The following CYYR1 variants were observed in gnomAD, a reference collection of about 807,000 sequenced individuals.
CYYR1 encodes the protein cysteine and tyrosine-rich protein 1.
A neutral mutation model predicts 15.2 loss-of-function variants in CYYR1; 14 were observed. The ratio of observed to expected loss-of-function variants is 0.92; its 90% CI spans 0.61 to 1.44. The LOEUF is 1.44. Ranked by LOEUF, CYYR1 falls within the 40% of genes most tolerant of loss-of-function variation. The pLI is 0.00. For synonymous variants in CYYR1, 80 were observed against 77.4 expected (o/e 1.03, Z -0.18); for missense variants, 228 against 209.5 (o/e 1.09, Z -0.54).
intron 2 of CYYR1, chr21:26,506,533 C>T (rs2065567011): frequency 2.0e-5 from 3 of 152,330 alleles, no homozygotes; most frequent in Non-Finnish European, 4.4e-5. Flanking sequence ...CACTCTCAAA[C>T]TCAACTTTCC....
intron 2 of CYYR1, among the ~76,000 whole-genome samples, chr21:26,482,084 T>G (rs937156704): frequency 6.6e-6 from 1 of 152,100 alleles, no homozygotes; most frequent in East Asian, 1.9e-4. Context: ...TTATATTTTT[T>G]GTTTTTACAC....
intron 2 of CYYR1, among the ~76,000 whole-genome samples, chr21:26,555,420 C>A (rs192089180): frequency 5.3e-5 from 8 of 152,198 alleles, no homozygotes; most frequent in Admixed American, 3.3e-4. Context: ...TTATTTTTTG[C>A]AAAATGCAGC....
chr21:26,534,811 C>G (rs1323925762), intron 2 of CYYR1, among the ~76,000 whole-genome samples: 1 of 152,122 alleles, frequency 6.6e-6, no homozygotes, highest in African/African-American at 2.4e-5. Context: ...TTGTTAAACT[C>G]TCTTCAATTT....
chr21:26,470,916 G>A (rs140174743), intron 3 of CYYR1: 2 of 152,252 alleles, frequency 1.3e-5, no homozygotes, highest in African/African-American at 2.4e-5. Flanking sequence ...CAAAAGTCTT[G>A]CAAGTCTCTA....
At chr21:26,495,926 A>T (rs2065395858) in intron 2 of CYYR1, among the ~76,000 whole-genome samples, 1 of 152,150 alleles carries the variant, frequency 6.6e-6, no homozygotes, top group African/African-American at 2.4e-5. Flanking sequence ...ACTTCCAAGG[A>T]CTTGGGCGTG....
At chr21:26,533,413 G>A (rs2065957280) in intron 2 of CYYR1, among the ~76,000 whole-genome samples, 1 of 152,052 alleles carries the variant, frequency 6.6e-6, no homozygotes, top group East Asian at 1.9e-4. Context: ...GGGGTCTGTG[G>A]TATAAGTTCT....
intron 2 of CYYR1, among the ~76,000 whole-genome samples, chr21:26,557,529 T>C (rs1433015228): frequency 3.3e-5 from 5 of 152,138 alleles, no homozygotes; most frequent in Non-Finnish European, 7.4e-5. Context: ...TCAGGTTGAT[T>C]AGTGAAGGAC....
At chr21:26,495,566 C>T (rs1044950973) in intron 2 of CYYR1, among the ~76,000 whole-genome samples, 2 of 152,114 alleles carry the variant, frequency 1.3e-5, no homozygotes, top group African/African-American at 4.8e-5. Flanking sequence ...GACCTGTTTC[C>T]ACTTCACCCC....
chr21:26,476,672 G>T (rs2065109569), intron 3 of CYYR1, among the ~76,000 whole-genome samples: 2 of 151,324 alleles, frequency 1.3e-5, no homozygotes, highest in Non-Finnish European at 2.9e-5. Flanking sequence ...TCATTTCACA[G>T]GACTCAATAA....
Position 26,572,898 on chromosome 21 carries a change from G to A in CYYR1, c.43C>T (p.Pro15Ser), listed in dbSNP as rs1192197578. 6.2e-7 allele frequency: 1 copy of A among 1,613,958 alleles called. No homozygotes were observed. The highest frequency in any genetic ancestry group is 1.7e-5 in the Admixed American group (1 of 59,998). Residue 15 changes from proline (P) to serine (S), a missense_variant, in exon 1 of 4, where the codon CCG (proline) becomes TCG (serine). Pro to Ser is a moderately conservative substitution (Grantham distance 74, BLOSUM62 -1). Transcript: ENST00000652641. ...RLPVRPGVLL[P>S]KLVLLFVYAD... ...TAGACAAAGAGCAGGACCAACTTCG[G>A]AAGCAAGACCCCTGGACGCACGGGT...
At chr21:26,527,641 G>GTA (rs2065884003) in intron 2 of CYYR1, among the ~76,000 whole-genome samples, 1 of 151,734 alleles carries the variant, frequency 6.6e-6, no homozygotes, top group African/African-American at 2.4e-5. Flanking sequence ...CTTTTATTTT[G>GTA]CCTGAATATG....
At chr21:26,541,616 A>G (rs1228097395) in intron 2 of CYYR1, among the ~76,000 whole-genome samples, 1 of 152,252 alleles carries the variant, frequency 6.6e-6, no homozygotes, top group African/African-American at 2.4e-5. Flanking sequence ...AAAAGCTAAC[A>G]GAAGTTCTTC....
intron 2 of CYYR1, among the ~76,000 whole-genome samples, chr21:26,487,048 A>G (rs8134805): frequency 0.014 from 2,160 of 152,212 alleles, 49 homozygotes; most frequent in African/African-American, 0.048. Flanking sequence ...TAAAAAGGCC[A>G]TGCGGATATT....
Position 26,572,897 on chromosome 21 carries a change from G to A in CYYR1, c.44C>T (p.Pro15Leu), listed in dbSNP as rs952763494. ...GTAGACAAAGAGCAGGACCAACTTC[G>A]GAAGCAAGACCCCTGGACGCACGGG... ...RLPVRPGVLL[P>L]KLVLLFVYAD... The change falls in exon 1 of 4, where the codon CCG becomes CTG. Residue 15 changes from proline (P) to leucine (L), a missense_variant. Coordinates refer to ENST00000652641, the MANE Select transcript of CYYR1 (RefSeq NM_001320768.2). The A allele has an allele frequency of 1.1e-5, 17 of 1,613,950 alleles. No individual in the cohort carries two copies. The highest frequency in any genetic ancestry group is 1.4e-5 in the Non-Finnish European group (16 of 1,180,012).
chr21:26,501,288 G>A (rs973777658), intron 2 of CYYR1, among the ~76,000 whole-genome samples: 2 of 152,216 alleles, frequency 1.3e-5, no homozygotes, highest in South Asian at 2.1e-4. Context: ...AGTGAGCCGA[G>A]ATTGCACCAC....
chr21:26,556,573 C>T (rs753109395), intron 2 of CYYR1, among the ~76,000 whole-genome samples: 192 of 152,026 alleles, frequency 1.3e-3, no homozygotes, highest in Non-Finnish European at 1.7e-3. Context: ...ACTGGGGAGA[C>T]GTCAGAAAAC....
chr21:26,513,990 C>A (rs887024033), intron 2 of CYYR1, among the ~76,000 whole-genome samples: 1 of 151,378 alleles, frequency 6.6e-6, no homozygotes, highest in Non-Finnish European at 1.5e-5. Context: ...GTGCAGCACA[C>A]CAACATGGCA....
chr21:26,536,582 G>T (rs1003738432), intron 2 of CYYR1, among the ~76,000 whole-genome samples: 2 of 152,180 alleles, frequency 1.3e-5, no homozygotes, highest in African/African-American at 4.8e-5. Context: ...TCATTCTAAT[G>T]TGATTATAAA....
intron 2 of CYYR1, among the ~76,000 whole-genome samples, chr21:26,547,186 T>C (rs193080398): frequency 6.4e-4 from 98 of 152,238 alleles, no homozygotes; most frequent in African/African-American, 2.3e-3. Context: ...AACTGAAGGA[T>C]CTTCAAAGTC....
Sources: allele counts gnomAD v4.1 joint callset (sites outside exome capture counted in the v4.1 genomes callset), GRCh38; gene constraint gnomAD v4.1.1; transcripts MANE v1.5; gene names NCBI Gene and HGNC (gene_info 2026-07-23, HGNC 2026-07-21).